The following RAD51B variants were observed in gnomAD, a reference collection of about 807,000 sequenced individuals.
RAD51B encodes DNA repair protein RAD51 homolog 2.
Under a neutral mutation model 42.2 loss-of-function variants are expected in RAD51B, and 38 were observed. That is an observed-to-expected ratio of 0.90 (90% CI 0.70 to 1.18). The LOEUF (loss-of-function observed/expected upper bound fraction) is 1.18, where lower values mean the gene tolerates loss of function less well. Ranked by LOEUF, RAD51B falls within the 50% of genes most tolerant of loss-of-function variation. The pLI is 0.00. For synonymous variants in RAD51B, 154 were observed against 145.2 expected (o/e 1.06, Z -0.43); for missense variants, 373 against 400.7 (o/e 0.93, Z 0.59).
At chr14:68,322,991 G>T (rs2082184070) in intron 8 of RAD51B, among the ~76,000 whole-genome samples, 1 of 152,206 alleles carries the variant, frequency 6.6e-6, no homozygotes. Flanking sequence ...GTAGATTCGT[G>T]ACTATGAGAA....
chr14:68,163,949 T>C (rs531357057), intron 7 of RAD51B, among the ~76,000 whole-genome samples: 1 of 152,368 alleles, frequency 6.6e-6, no homozygotes, highest in South Asian at 2.1e-4. Flanking sequence ...GGTTAATTAA[T>C]ATATTATTAA....
At chr14:67,841,308 T>C (rs1026477563) in intron 4 of RAD51B, among the ~76,000 whole-genome samples, 1 of 152,246 alleles carries the variant, frequency 6.6e-6, no homozygotes, top group African/African-American at 2.4e-5. Context: ...AAGTTCCTTA[T>C]AGAATCTGGA....
chr14:67,879,018 C>T (rs1299342726), intron 5 of RAD51B, among the ~76,000 whole-genome samples: 1 of 152,180 alleles, frequency 6.6e-6, no homozygotes, highest in Non-Finnish European at 1.5e-5. Flanking sequence ...CTGGCCATTA[C>T]ATGTTAGCAT....
At chr14:68,602,385 C>A (rs1891254007) in intron 10 of RAD51B, among the ~76,000 whole-genome samples, 1 of 152,106 alleles carries the variant, frequency 6.6e-6, no homozygotes, top group African/African-American at 2.4e-5. Context: ...CCAGCTCTCC[C>A]TCCTCCTGCC....
chr14:68,445,047 A>G (rs2085391226), intron 9 of RAD51B, among the ~76,000 whole-genome samples: 1 of 152,104 alleles, frequency 6.6e-6, no homozygotes, highest in Admixed American at 6.5e-5. Context: ...AACTTTGGCA[A>G]ATTTTTCCTC....
intron 7 of RAD51B, among the ~76,000 whole-genome samples, chr14:68,268,560 A>G (rs2081039526): frequency 6.6e-6 from 1 of 152,226 alleles, no homozygotes; most frequent in South Asian, 2.1e-4. Context: ...TAGAATCATA[A>G]ACTATGGGCT....
At chr14:67,832,653 C>G (rs2041093742) in intron 3 of RAD51B, among the ~76,000 whole-genome samples, 1 of 152,156 alleles carries the variant, frequency 6.6e-6, no homozygotes, top group Non-Finnish European at 1.5e-5. Flanking sequence ...TAATACAGCA[C>G]ATAGTAGATG....
At chr14:68,610,773 C>T (rs936919778) in intron 10 of RAD51B, among the ~76,000 whole-genome samples, 7 of 151,868 alleles carry the variant, frequency 4.6e-5, no homozygotes, top group Non-Finnish European at 7.4e-5. Flanking sequence ...AAGGTGAAAC[C>T]AATTTCTCTC....
chr14:68,110,726 T>C (rs181487656), intron 7 of RAD51B, among the ~76,000 whole-genome samples: 145 of 152,194 alleles, frequency 9.5e-4, no homozygotes, highest in Middle Eastern at 3.4e-3. Flanking sequence ...AATACCCATT[T>C]TGGAGATAAG....
At chr14:68,258,005 T>C (rs531648400) in intron 7 of RAD51B, among the ~76,000 whole-genome samples, 1 of 152,362 alleles carries the variant, frequency 6.6e-6, no homozygotes, top group East Asian at 1.9e-4. Context: ...ATGTTTAGTA[T>C]AGTTTTTTTA....
chr14:68,537,134 C>G (rs560638884), intron 10 of RAD51B, among the ~76,000 whole-genome samples: 1 of 145,316 alleles, frequency 6.9e-6, no homozygotes, highest in Admixed American at 6.9e-5. Flanking sequence ...TTTAGAATGA[C>G]TGTCACAATA....
intron 8 of RAD51B, among the ~76,000 whole-genome samples, chr14:68,335,090 A>G (rs2082423948): frequency 6.6e-6 from 1 of 150,664 alleles, no homozygotes; most frequent in Non-Finnish European, 1.5e-5. Flanking sequence ...TGAGATCAGG[A>G]GTTTGAGACC....
chr14:68,410,941 C>T (rs373133913), intron 8 of RAD51B, among the ~76,000 whole-genome samples: 6 of 151,368 alleles, frequency 4.0e-5, no homozygotes, highest in African/African-American at 1.2e-4. Flanking sequence ...GTTGTGTATA[C>T]GGGGGGGTGG....
downstream of RAD51B, among the ~76,000 whole-genome samples, chr14:68,482,281 G>A (rs1453435279): frequency 6.6e-6 from 1 of 151,920 alleles, no homozygotes; most frequent in Non-Finnish European, 1.5e-5. Flanking sequence ...TGCAGTCCTG[G>A]TGAAGATTCA....
intron 7 of RAD51B, among the ~76,000 whole-genome samples, chr14:68,173,402 A>T (rs1330406627): frequency 6.6e-6 from 1 of 152,202 alleles, no homozygotes; most frequent in Non-Finnish European, 1.5e-5. Flanking sequence ...TTAGAATCCA[A>T]GATTTTATTA....
intron 7 of RAD51B, among the ~76,000 whole-genome samples, chr14:68,120,048 T>G (rs1342915538): frequency 3.3e-5 from 5 of 152,266 alleles, no homozygotes; most frequent in Non-Finnish European, 5.9e-5. Flanking sequence ...GTGGTTTTGA[T>G]TTGCATTTCT....
At chr14:67,852,368 G>T (rs1216415062) in intron 4 of RAD51B, among the ~76,000 whole-genome samples, 4 of 152,228 alleles carry the variant, frequency 2.6e-5, no homozygotes, top group Non-Finnish European at 5.9e-5. Flanking sequence ...GGAACTCGGG[G>T]ATCCAAGGTT....
intron 4 of RAD51B, among the ~76,000 whole-genome samples, chr14:67,835,691 A>AT (rs994269959): frequency 3.3e-5 from 5 of 151,570 alleles, no homozygotes; most frequent in Admixed American, 1.3e-4. Flanking sequence ...CTTTACCAAA[A>AT]AAAAAATAAA....
chr14:68,033,099 C>T lies in RAD51B; in HGVS notation c.756+145895C>T, dbSNP rs114875718. Among the ~76,000 whole-genome samples, 83 of 152,280 alleles carry T rather than the reference C, an allele frequency of 5.5e-4. 1 individual carries two copies. Among genetic ancestry groups the T allele is most frequent in the Non-Finnish European group, 5.7e-4 (39 of 68,028 alleles). On this transcript the variant is annotated intron_variant, in intron 7 of 10. Transcript: ENST00000471583. ...ACATTTTACAGTTCCTTATCTCCCC[C>T]CAAGATTCCAGAAGGCAGGAGCCAT... is the stretch of plus-strand genomic sequence containing the variant.
Sources: gnomAD v4.1 joint callset for allele counts (sites outside exome capture counted in the v4.1 genomes callset) on GRCh38, gnomAD v4.1.1 for gene constraint, MANE v1.5 for transcripts, NCBI Gene and HGNC (gene_info 2026-07-23, HGNC 2026-07-21) for gene names.